Variants in C3orf70 observed in about 807,000 individuals in gnomAD.
C3orf70 encodes the protein chromosome 3 open reading frame 70.
Under a neutral mutation model 20.7 loss-of-function variants are expected in C3orf70, and 15 were observed. The ratio of observed to expected loss-of-function variants is 0.72; its 90% CI spans 0.48 to 1.11. The LOEUF (loss-of-function observed/expected upper bound fraction) is 1.11, where lower values mean the gene tolerates loss of function less well. Ranked by LOEUF, C3orf70 falls within the 50% of genes most tolerant of loss-of-function variation. The pLI is 0.00. For missense variants in C3orf70, 332 were observed against 317.6 expected (o/e 1.05, Z -0.34); for synonymous variants, 161 against 125.7 (o/e 1.28, Z -1.88).
At chr3:185,090,423 G>C (rs904900645) in intron 1 of C3orf70, among the ~76,000 whole-genome samples, 1 of 152,084 alleles carries the variant, frequency 6.6e-6, no homozygotes, top group African/African-American at 2.4e-5. Flanking sequence ...TTTTGCTTTT[G>C]CAGATAGTTT....
chr3:185,114,090 T>C (rs1382995611), intron 1 of C3orf70, among the ~76,000 whole-genome samples: 1 of 152,058 alleles, frequency 6.6e-6, no homozygotes, highest in Non-Finnish European at 1.5e-5. Flanking sequence ...TCCCAGTTAC[T>C]TGGGAGGCTG....
chr3:185,091,864 TTATA>T (rs71162280), intron 1 of C3orf70, among the ~76,000 whole-genome samples: 3 of 124,500 alleles, frequency 2.4e-5, no homozygotes, highest in East Asian at 2.2e-4. Flanking sequence ...ATGTATTATA[TTATA>T]TATATATATA....
intron 1 of C3orf70, among the ~76,000 whole-genome samples, chr3:185,128,209 T>C (rs1294198648): frequency 6.6e-6 from 1 of 152,144 alleles, no homozygotes; most frequent in Non-Finnish European, 1.5e-5. Flanking sequence ...TGAGTGCTTT[T>C]GTAACATAAC....
chr3:185,088,561 G>A lies in C3orf70; in HGVS notation c.197-4998C>T, dbSNP rs565829836. Among the ~76,000 whole-genome samples, 7 of 151,954 alleles carry A rather than the reference G, an allele frequency of 4.6e-5. No homozygotes were observed. In the South Asian group the frequency reaches 1.5e-3, roughly 32 times the overall value. On this transcript the variant is annotated intron_variant, in intron 1 of 1. Transcript: ENST00000335012. ...CAAAATGTATAATCTAAAACAACAG[G>A]GAAATAATCACCATAGATGTGATGA...
intron 1 of C3orf70, among the ~76,000 whole-genome samples, chr3:185,140,093 T>C (rs1716719858): frequency 6.6e-6 from 1 of 152,160 alleles, no homozygotes; most frequent in Non-Finnish European, 1.5e-5. Context: ...CATACTCAAG[T>C]CCCACAGTTG....
At chr3:185,144,366 T>C (rs761618778) in intron 1 of C3orf70, among the ~76,000 whole-genome samples, 2 of 152,240 alleles carry the variant, frequency 1.3e-5, no homozygotes, top group Non-Finnish European at 2.9e-5. Context: ...TCAGGACATC[T>C]ACATTACCTA....
chr3:185,130,750 G>C (rs1033246386), intron 1 of C3orf70, among the ~76,000 whole-genome samples: 1 of 152,048 alleles, frequency 6.6e-6, no homozygotes, highest in African/African-American at 2.4e-5. Flanking sequence ...CCTTTAACAT[G>C]TTTTCAAGGT....
At chr3:185,107,943 T>C (rs1321140011) in intron 1 of C3orf70, among the ~76,000 whole-genome samples, 1 of 152,190 alleles carries the variant, frequency 6.6e-6, no homozygotes, top group Non-Finnish European at 1.5e-5. Flanking sequence ...CACATACTAA[T>C]TCACGGACTC....
rs1287029604 is a variant in C3orf70, at chr3:185,078,608, G to A, written c.*4399C>T. On this transcript the variant is annotated 3_prime_UTR_variant, in exon 2 of 2. Coordinates refer to ENST00000335012, the MANE Select transcript of C3orf70 (RefSeq NM_001025266.3). ...CCCCCTTCTTCCCTCCTCCTCAGTG[G>A]GAGAGGACAAAATCGTACTACTGAA... The A allele has an allele frequency of 8.5e-5, 13 of 152,282 alleles. No homozygotes were observed. The allele number at this position is 152,282 out of a possible 1,614,324, so 9.4% of individuals were successfully genotyped here.
intron 1 of C3orf70, among the ~76,000 whole-genome samples, chr3:185,110,252 G>A (rs925587264): frequency 6.6e-6 from 1 of 152,182 alleles, no homozygotes; most frequent in Non-Finnish European, 1.5e-5. Flanking sequence ...TTTGGCTATT[G>A]CAAAATTAAA....
chr3:185,145,201 T>A (rs146488264), intron 1 of C3orf70, among the ~76,000 whole-genome samples: 164 of 152,370 alleles, frequency 1.1e-3, no homozygotes, highest in African/African-American at 3.8e-3. Context: ...ATGAGATCTA[T>A]AACATGAAAG....
chr3:185,138,917 T>C lies in C3orf70; in HGVS notation c.196+13711A>G, dbSNP rs1211582960. ...AAGTTTGAGACCAGCCTGGGCAAAA[T>C]AGTGAGACCATGTGTCTACAAAAAA... On this transcript the variant is annotated intron_variant, in intron 1 of 1. Transcript: ENST00000335012. 4.6e-5 allele frequency among the ~76,000 whole-genome samples: 7 copies of C among 151,836 alleles called. No individual in the cohort carries two copies. In the South Asian group the frequency reaches 6.2e-4, roughly 14 times the overall value.
chr3:185,147,155 T>C (rs985923979), intron 1 of C3orf70, among the ~76,000 whole-genome samples: 1 of 152,190 alleles, frequency 6.6e-6, no homozygotes, highest in African/African-American at 2.4e-5. Context: ...TACCACCTAT[T>C]AGACTACATC....
At chr3:185,134,042 T>C (rs1716573349) in intron 1 of C3orf70, among the ~76,000 whole-genome samples, 1 of 151,092 alleles carries the variant, frequency 6.6e-6, no homozygotes, top group Non-Finnish European at 1.5e-5. Flanking sequence ...TGAGCTATGA[T>C]TGTGCCACTG....
In C3orf70 at chr3:185,078,254, T is replaced by C. The variant is rs558638373; in HGVS notation, c.*4753A>G. ...TGAATATTGCCAGGTATGAACAGCC[T>C]TAAAAAGTGAGGTGGACACAACGAT... On this transcript the variant is annotated 3_prime_UTR_variant, in exon 2 of 2. Transcript: ENST00000335012. The C allele has an allele frequency of 2.0e-5, 3 of 152,714 alleles. No individual in the cohort carries two copies. Among genetic ancestry groups the C allele is most frequent in the African/African-American group, 7.2e-5 (3 of 41,554 alleles). The allele number at this position is 152,714 out of a possible 1,614,324, so 9.5% of individuals were successfully genotyped here.
Position 185,079,293 on chromosome 3 carries a change from A to AAATAAAATAAAAT in C3orf70, c.*3713_*3714insATTTTATTTTATT, listed in dbSNP as rs1561319394. On this transcript the variant is annotated 3_prime_UTR_variant, in exon 2 of 2. Coordinates refer to ENST00000335012, the MANE Select transcript of C3orf70 (RefSeq NM_001025266.3). ...GAGACTCTGTCTCAAAAAAAAAAAA[A>AAATAAAATAAAAT]AAAAAAAAAAAGTAAAGCCACCACT... is the stretch of plus-strand genomic sequence containing the variant. 5.6e-4 allele frequency: 85 copies of AAATAAAATAAAAT among 150,462 alleles called. No homozygotes were observed. Among genetic ancestry groups the AAATAAAATAAAAT allele is most frequent in the African/African-American group, 2.0e-3 (83 of 40,896 alleles). 9.3% of individuals were successfully genotyped at this position (150,462 alleles called of 1,614,324 possible).
intron 1 of C3orf70, among the ~76,000 whole-genome samples, chr3:185,093,488 T>C (rs1373253612): frequency 1.3e-5 from 2 of 152,128 alleles, no homozygotes; most frequent in Non-Finnish European, 2.9e-5. Context: ...CAACAAATTA[T>C]TGTGTATTTT....
At chr3:185,084,513 C>G (rs1715421001) in intron 1 of C3orf70, among the ~76,000 whole-genome samples, 1 of 151,908 alleles carries the variant, frequency 6.6e-6, no homozygotes, top group South Asian at 2.1e-4. Flanking sequence ...CTCCCCCGCA[C>G]CCCTCCCCGA....
chr3:185,132,662 A>G (rs1716543976), intron 1 of C3orf70, among the ~76,000 whole-genome samples: 1 of 152,188 alleles, frequency 6.6e-6, no homozygotes, highest in Non-Finnish European at 1.5e-5. Flanking sequence ...ATCTAATCAA[A>G]GTTCCAGAAG....
Sources: gnomAD v4.1 joint callset for allele counts (sites outside exome capture counted in the v4.1 genomes callset) on GRCh38, gnomAD v4.1.1 for gene constraint, MANE v1.5 for transcripts, NCBI Gene and HGNC (gene_info 2026-07-23, HGNC 2026-07-21) for gene names.